The following NRXN3 variants were observed in gnomAD, a reference collection of about 807,000 sequenced individuals.
The protein encoded by NRXN3 is neurexin 3.
A neutral mutation model predicts 137.6 loss-of-function variants in NRXN3; 32 were observed. That is an observed-to-expected ratio of 0.23 (90% CI 0.18 to 0.31). The LOEUF (loss-of-function observed/expected upper bound fraction) is 0.31, where lower values mean the gene tolerates loss of function less well. NRXN3 is among the 10% of genes least tolerant of loss of function. The pLI, the probability that NRXN3 is intolerant of heterozygous loss-of-function variation, is 1.00. For missense variants in NRXN3, 1,574 were observed against 2,062.5 expected, an observed-to-expected ratio of 0.76 and a Z score of 4.59; for synonymous variants, 798 against 784.5, an observed-to-expected ratio of 1.02 and a Z score of -0.29.
intron 10 of NRXN3, among the ~76,000 whole-genome samples, chr14:78,913,312 G>A (rs567458373): frequency 1.3e-5 from 1 of 78,060 alleles, no homozygotes; most frequent in African/African-American, 5.0e-5. Context: ...ACAGAGTCTT[G>A]CTGTGTTGCT....
In NRXN3 at chr14:78,835,083, A is replaced by G. The variant is rs189128172; in HGVS notation, c.2275+24739A>G. Among the ~76,000 whole-genome samples the G allele has an allele frequency of 2.0e-3, 306 of 152,230 alleles. 2 individuals are homozygous for G. Among genetic ancestry groups the G allele is most frequent in the African/African-American group, 7.1e-3 (296 of 41,542 alleles). ...TATCTACTTATGTCAGTTGTTTACCAGTTCCCTTCAGCTGTCTGCTTTTTA... is the reference window on the plus strand; with the variant it reads ...TATCTACTTATGTCAGTTGTTTACCGGTTCCCTTCAGCTGTCTGCTTTTTA... On this transcript the variant is annotated intron_variant, in intron 10 of 20. Coordinates refer to ENST00000335750, the MANE Select transcript of NRXN3 (RefSeq NM_001330195.2).
intron 4 of NRXN3, among the ~76,000 whole-genome samples, chr14:78,533,611 C>T (rs575555628): frequency 2.4e-4 from 37 of 152,304 alleles, no homozygotes; most frequent in Non-Finnish European, 4.4e-4. Flanking sequence ...GTATTTGATA[C>T]GCTGTTTCTC....
chr14:79,030,837 C>T (rs1305495171), intron 15 of NRXN3, among the ~76,000 whole-genome samples: 1 of 151,806 alleles, frequency 6.6e-6, no homozygotes, highest in African/African-American at 2.4e-5. Flanking sequence ...TTTATCTCCC[C>T]AGTCGCTATC....
At chr14:79,852,234 A>AACACACACACACACACACACACAC (rs45581833) in intron 20 of NRXN3, among the ~76,000 whole-genome samples, 6 of 128,266 alleles carry the variant, frequency 4.7e-5, no homozygotes, top group African/African-American at 1.7e-4. Context: ...TTCAACTCCC[A>AACACACACACACACACACACACAC]ACACACACAC....
chr14:78,788,539 T>C (rs1411185576), intron 8 of NRXN3, among the ~76,000 whole-genome samples: 4 of 152,170 alleles, frequency 2.6e-5, no homozygotes, highest in African/African-American at 9.6e-5. Context: ...GGGTATTTAA[T>C]TTCCTGGCTC....
rs1237529611 is a variant in NRXN3 at position 79,256,140 on chromosome 14, CTCTG to C, written c.3263-211069_3263-211066del. ...CCTCTCTGTGTGTCTTTCTCTCTCT[CTCTG>C]TCTGTCTGTCTCTCTGTCTCTCTCT... On this transcript the variant is annotated intron_variant, in intron 15 of 20. Coordinates refer to ENST00000335750, the MANE Select transcript of NRXN3 (RefSeq NM_001330195.2). Among the ~76,000 whole-genome samples the C allele has an allele frequency of 1.3e-4, 20 of 151,906 alleles. No individual in the cohort carries two copies. In the East Asian group the frequency reaches 1.5e-3, roughly 12 times the overall value.
chr14:78,688,049 T>G lies in NRXN3; in HGVS notation c.1222-21168T>G, dbSNP rs1003515500. Among the ~76,000 whole-genome samples the G allele has an allele frequency of 1.4e-4, 21 of 152,322 alleles. No individual in the cohort carries two copies. The East Asian group carries it at 4.0e-3, about 29-fold the overall frequency. ...TTTAGCCTTTTTTAGTTTAAAAGCC[T>G]ATTGAGTGGAGATGTCAAGAAGACA... On this transcript the variant is annotated intron_variant, in intron 6 of 20. Transcript: ENST00000335750.
At chr14:78,214,501 G>T (rs796415493) in intron 1 of NRXN3, among the ~76,000 whole-genome samples, 20 of 152,166 alleles carry the variant, frequency 1.3e-4, no homozygotes, top group African/African-American at 4.6e-4. Context: ...AAGGGCAGGG[G>T]CTACCTCTGT....
At chr14:78,830,974 A>G (rs1567444952) in intron 10 of NRXN3, among the ~76,000 whole-genome samples, 1 of 152,222 alleles carries the variant, frequency 6.6e-6, no homozygotes. Flanking sequence ...TTACGATCAG[A>G]AATTACACAT....
At chr14:79,199,545 T>C (rs1031909373) in intron 15 of NRXN3, among the ~76,000 whole-genome samples, 12 of 152,292 alleles carry the variant, frequency 7.9e-5, no homozygotes, top group East Asian at 1.9e-4. Context: ...TTGCAATCAA[T>C]TGAAAGTCGA....
At chr14:79,060,561 T>TGCTGTGA (rs2099672948) in intron 15 of NRXN3, among the ~76,000 whole-genome samples, 1 of 152,148 alleles carries the variant, frequency 6.6e-6, no homozygotes, top group Non-Finnish European at 1.5e-5. Context: ...TAGCATAAAG[T>TGCTGTGA]GCTGTGAAAT....
chr14:79,545,094 T>C (rs996222425), intron 16 of NRXN3, among the ~76,000 whole-genome samples: 2 of 152,228 alleles, frequency 1.3e-5, no homozygotes, highest in Non-Finnish European at 2.9e-5. Context: ...TTCTCACTTA[T>C]GTGTTTGTTC....
At chr14:78,585,002 C>G (rs1031880787) in intron 4 of NRXN3, among the ~76,000 whole-genome samples, 1 of 151,946 alleles carries the variant, frequency 6.6e-6, no homozygotes, top group Non-Finnish European at 1.5e-5. Context: ...AGCAGTGAGC[C>G]AAACATACAG....
At chr14:79,187,043 T>C (rs76819686) in intron 15 of NRXN3, among the ~76,000 whole-genome samples, 5,486 of 152,230 alleles carry the variant, frequency 0.036, 246 homozygotes, top group East Asian at 0.22. Context: ...GTTTCCTTCT[T>C]ACCATTTTTC....
chr14:79,851,142 ATG>A (rs975366632), intron 20 of NRXN3, among the ~76,000 whole-genome samples: 2 of 152,150 alleles, frequency 1.3e-5, no homozygotes, highest in African/African-American at 4.8e-5. Flanking sequence ...ATCCAGGAGA[ATG>A]TGTGTATTGG....
chr14:79,140,232 G>T (rs1236050398), intron 15 of NRXN3, among the ~76,000 whole-genome samples: 3 of 152,132 alleles, frequency 2.0e-5, no homozygotes, highest in African/African-American at 7.2e-5. Flanking sequence ...ATTACTGATA[G>T]ATTCTTGGTT....
intron 15 of NRXN3, among the ~76,000 whole-genome samples, chr14:79,024,105 A>G (rs1033474481): frequency 3.3e-5 from 5 of 152,252 alleles, no homozygotes; most frequent in South Asian, 2.1e-4. Flanking sequence ...GGTGTCTGGC[A>G]TATCATTCAT....
intron 4 of NRXN3, among the ~76,000 whole-genome samples, chr14:78,546,923 G>A (rs2096641234): frequency 6.6e-6 from 1 of 152,140 alleles, no homozygotes; most frequent in Non-Finnish European, 1.5e-5. Context: ...TGGTGAATGT[G>A]GGATTTGAAC....
chr14:79,668,108 A>G (rs2098578211), intron 17 of NRXN3, among the ~76,000 whole-genome samples: 1 of 152,046 alleles, frequency 6.6e-6, no homozygotes, highest in Non-Finnish European at 1.5e-5. Context: ...TTCAGTCTTT[A>G]AAATGCACAC....
Sources: gnomAD v4.1 joint callset for allele counts (sites outside exome capture counted in the v4.1 genomes callset) on GRCh38, gnomAD v4.1.1 for gene constraint, MANE v1.5 for transcripts, NCBI Gene and HGNC (gene_info 2026-07-23, HGNC 2026-07-21) for gene names.